RIT2: variants seen among roughly 807,000 people sequenced by gnomAD.
RIT2 encodes the protein GTP-binding protein Rit2.
In RIT2, 24 loss-of-function variants were observed where a neutral mutation model predicts 23.7. The observed-to-expected ratio is 1.01, with a 90% CI of 0.73 to 1.43. RIT2 has a LOEUF of 1.43. RIT2 is among the 40% of genes most tolerant of loss of function. The pLI, the probability that RIT2 is intolerant of heterozygous loss-of-function variation, is 0.00. For synonymous variants in RIT2, 107 were observed against 91.1 expected, an observed-to-expected ratio of 1.17 and a Z score of -0.99; for missense variants, 236 against 266.9, an observed-to-expected ratio of 0.88 and a Z score of 0.81.
At chr18:42,794,259 A>G (rs541306363) in intron 4 of RIT2, among the ~76,000 whole-genome samples, 34 of 152,284 alleles carry the variant, frequency 2.2e-4, no homozygotes, top group Middle Eastern at 6.8e-3. Flanking sequence ...AAAGAATGCA[A>G]TGTTGTAGCA....
At chr18:42,978,470 G>A (rs1910524226) in intron 2 of RIT2, among the ~76,000 whole-genome samples, 1 of 151,948 alleles carries the variant, frequency 6.6e-6, no homozygotes, top group African/African-American at 2.4e-5. Context: ...CACCCATGCA[G>A]AAATACACTG....
At chr18:42,913,282 G>A (rs967732711) in intron 4 of RIT2, among the ~76,000 whole-genome samples, 2 of 151,130 alleles carry the variant, frequency 1.3e-5, no homozygotes, top group Non-Finnish European at 3.0e-5. Context: ...AGAATTTTTA[G>A]AAAAGAACAT....
intron 4 of RIT2, among the ~76,000 whole-genome samples, chr18:42,838,683 T>G (rs1244198293): frequency 6.6e-6 from 1 of 152,178 alleles, no homozygotes; most frequent in Non-Finnish European, 1.5e-5. Flanking sequence ...TATTGCTTTG[T>G]TTTTCCTATA....
At chr18:43,004,821 T>C (rs1482944638) in intron 2 of RIT2, among the ~76,000 whole-genome samples, 1 of 151,912 alleles carries the variant, frequency 6.6e-6, no homozygotes, top group Non-Finnish European at 1.5e-5. Flanking sequence ...TTATTTATGT[T>C]GGCTATTATA....
intron 2 of RIT2, among the ~76,000 whole-genome samples, chr18:43,025,844 G>A (rs1029220654): frequency 6.6e-6 from 1 of 151,970 alleles, no homozygotes; most frequent in Non-Finnish European, 1.5e-5. Flanking sequence ...GGGATGGTCG[G>A]GGGGTGTGAG....
chr18:43,019,748 C>T (rs1911553697), intron 2 of RIT2, among the ~76,000 whole-genome samples: 1 of 151,856 alleles, frequency 6.6e-6, no homozygotes. Context: ...GTCGAATTAC[C>T]CCTCTTTGCA....
intron 4 of RIT2, among the ~76,000 whole-genome samples, chr18:42,921,933 A>G (rs1231682162): frequency 7.2e-5 from 11 of 152,192 alleles, no homozygotes; most frequent in Non-Finnish European, 1.5e-4. Context: ...CAAGTTATCT[A>G]AAATAGATTA....
intron 3 of RIT2, among the ~76,000 whole-genome samples, chr18:42,933,877 G>T (rs1381309032): frequency 6.6e-6 from 1 of 151,832 alleles, no homozygotes; most frequent in African/African-American, 2.4e-5. Context: ...AATTAGCTGG[G>T]CGTGGTGATG....
chr18:43,104,676 G>C (rs1913766677), intron 1 of RIT2, among the ~76,000 whole-genome samples: 1 of 151,722 alleles, frequency 6.6e-6, no homozygotes, highest in Non-Finnish European at 1.5e-5. Flanking sequence ...AATTATATTG[G>C]AATAAAGTAT....
At chr18:42,848,708 G>T (rs1239101357) in intron 4 of RIT2, among the ~76,000 whole-genome samples, 1 of 152,102 alleles carries the variant, frequency 6.6e-6, no homozygotes, top group Non-Finnish European at 1.5e-5. Context: ...TCTCTCGTTA[G>T]CATAAATGGC....
At chr18:43,077,411 C>A (rs188331730) in intron 1 of RIT2, among the ~76,000 whole-genome samples, 9 of 151,476 alleles carry the variant, frequency 5.9e-5, no homozygotes, top group African/African-American at 1.7e-4. Flanking sequence ...GGCCAAAATA[C>A]TCTTTTCTTG....
At chr18:42,883,576 C>G (rs1201217883) in intron 4 of RIT2, among the ~76,000 whole-genome samples, 2 of 152,000 alleles carry the variant, frequency 1.3e-5, no homozygotes, top group Non-Finnish European at 2.9e-5. Flanking sequence ...AGAGGACAAG[C>G]AAATCTTTTC....
chr18:42,820,635 A>T (rs746496298), intron 4 of RIT2, among the ~76,000 whole-genome samples: 5 of 152,152 alleles, frequency 3.3e-5, no homozygotes, highest in African/African-American at 7.2e-5. Context: ...CACCAAGCCT[A>T]TTAAGGTGGG....
intron 3 of RIT2, among the ~76,000 whole-genome samples, chr18:42,948,680 T>G (rs1909781472): frequency 6.6e-6 from 1 of 152,050 alleles, no homozygotes; most frequent in African/African-American, 2.4e-5. Flanking sequence ...CTCTGAAAAG[T>G]GTCCTATTTG....
At chr18:43,031,578 A>G (rs769664700) in intron 2 of RIT2, among the ~76,000 whole-genome samples, 2 of 152,056 alleles carry the variant, frequency 1.3e-5, no homozygotes, top group Non-Finnish European at 2.9e-5. Flanking sequence ...TAAGGGGAAC[A>G]ATTACTCCTT....
chr18:42,810,757 T>C (rs1905829504), intron 4 of RIT2, among the ~76,000 whole-genome samples: 1 of 152,004 alleles, frequency 6.6e-6, no homozygotes, highest in Non-Finnish European at 1.5e-5. Context: ...TTTCTCTACA[T>C]GAACCTTCTA....
intron 2 of RIT2, among the ~76,000 whole-genome samples, chr18:43,013,225 C>A (rs1053146087): frequency 6.6e-6 from 1 of 151,812 alleles, no homozygotes; most frequent in African/African-American, 2.4e-5. Context: ...CAAATTCTGG[C>A]ACTTTTGTTT....
At chr18:42,864,278 T>C (rs1907410507) in intron 4 of RIT2, among the ~76,000 whole-genome samples, 1 of 152,234 alleles carries the variant, frequency 6.6e-6, no homozygotes, top group African/African-American at 2.4e-5. Flanking sequence ...CAATTTTCTT[T>C]TCAATTTCAT....
At chr18:42,793,294 T>C (rs144320904) in intron 4 of RIT2, among the ~76,000 whole-genome samples, 1 of 152,338 alleles carries the variant, frequency 6.6e-6, no homozygotes, top group East Asian at 1.9e-4. Context: ...CCCCCTATAC[T>C]GCCAGACAGA....
Sources: allele counts gnomAD v4.1 joint callset (sites outside exome capture counted in the v4.1 genomes callset), GRCh38; gene constraint gnomAD v4.1.1; transcripts MANE v1.5; gene names NCBI Gene and HGNC (gene_info 2026-07-23, HGNC 2026-07-21).